Variants in TNR observed in about 807,000 individuals in gnomAD.
TNR encodes the protein tenascin R, also known as tenascin-R.
TNR carries 45 observed loss-of-function variants against 150.4 expected under a neutral mutation model. The observed-to-expected ratio is 0.30, with a 90% CI of 0.24 to 0.38. TNR has a LOEUF of 0.38. TNR is among the 10% of genes least tolerant of loss of function. TNR has a pLI of 1.00. For missense variants in TNR, 1,544 were observed against 1,759.1 expected (o/e 0.88, Z 2.19); for synonymous variants, 687 against 678.4 (o/e 1.01, Z -0.20).
intron 1 of TNR, among the ~76,000 whole-genome samples, chr1:175,582,328 C>T (rs1413989674): frequency 2.0e-5 from 3 of 152,118 alleles, no homozygotes; most frequent in Admixed American, 6.6e-5. Context: ...GCATTGTTTT[C>T]GTTTTAATAT....
At chr1:175,730,051 A>G (rs1381656672) in intron 1 of TNR, among the ~76,000 whole-genome samples, 3 of 152,152 alleles carry the variant, frequency 2.0e-5, no homozygotes, top group Admixed American at 6.5e-5. Flanking sequence ...AATTCTCCCC[A>G]TGAGTATCCT....
At chr1:175,383,867 G>T (rs1421533014) in intron 8 of TNR, among the ~76,000 whole-genome samples, 1 of 152,150 alleles carries the variant, frequency 6.6e-6, no homozygotes, top group Non-Finnish European at 1.5e-5. Context: ...CTCCAGCAGA[G>T]GGGAGCATAT....
At chr1:175,638,152 T>G (rs1372106928) in intron 1 of TNR, among the ~76,000 whole-genome samples, 1 of 152,218 alleles carries the variant, frequency 6.6e-6, no homozygotes, top group African/African-American at 2.4e-5. Flanking sequence ...TAATACCTGA[T>G]GCTGATATGG....
intron 20 of TNR, chr1:175,333,512 C>T (rs1442552160): frequency 6.6e-6 from 1 of 152,090 alleles, no homozygotes; most frequent in Non-Finnish European, 1.5e-5. Flanking sequence ...TGGCATTTAC[C>T]TTACATTTTT....
At chr1:175,642,874 T>C (rs1264717323) in intron 1 of TNR, among the ~76,000 whole-genome samples, 1 of 152,186 alleles carries the variant, frequency 6.6e-6, no homozygotes, top group African/African-American at 2.4e-5. Context: ...GAGGCTGCAG[T>C]GAGCTATGAT....
chr1:175,483,100 A>C (rs1657872489), intron 2 of TNR, among the ~76,000 whole-genome samples: 1 of 152,254 alleles, frequency 6.6e-6, no homozygotes, highest in Non-Finnish European at 1.5e-5. Flanking sequence ...TTGTGTAAGC[A>C]AGGAGCTGTG....
intron 1 of TNR, among the ~76,000 whole-genome samples, chr1:175,711,782 C>T (rs186119062): frequency 1.0e-3 from 159 of 152,184 alleles, no homozygotes; most frequent in Non-Finnish European, 1.9e-3. Context: ...TGAGAGCAGT[C>T]GAGGTTTTTG....
At chr1:175,607,645 G>T (rs1368671635) in intron 1 of TNR, among the ~76,000 whole-genome samples, 1 of 152,196 alleles carries the variant, frequency 6.6e-6, no homozygotes, top group East Asian at 1.9e-4. Flanking sequence ...ACAGTGGTCA[G>T]GACTCAGTAA....
intron 9 of TNR, 33 bp downstream of exon 9, chr1:175,379,519 C>G (rs753651331): frequency 3.5e-5 from 55 of 1,591,368 alleles, no homozygotes; most frequent in Non-Finnish European, 4.5e-5. Flanking sequence ...GACTCAGCAA[C>G]CAGCATAACC....
chr1:175,722,755 C>CTGTGCCTGGCCTATTTT (rs1667343314), intron 1 of TNR, among the ~76,000 whole-genome samples: 1 of 150,696 alleles, frequency 6.6e-6, no homozygotes, highest in Non-Finnish European at 1.5e-5. Context: ...GCATGAGCCA[C>CTGTGCCTGGCCTATTTT]TGTGCCTGGC....
intron 6 of TNR, among the ~76,000 whole-genome samples, chr1:175,392,263 C>T (rs1398226893): frequency 6.6e-6 from 1 of 152,106 alleles, no homozygotes; most frequent in African/African-American, 2.4e-5. Context: ...GACAAGAGGG[C>T]CTCTTTTGGA....
intron 1 of TNR, among the ~76,000 whole-genome samples, chr1:175,723,089 C>G (rs150420401): frequency 0.012 from 1,770 of 152,206 alleles, 38 homozygotes; most frequent in African/African-American, 0.037. Flanking sequence ...TGTGCCCAGC[C>G]TCTAATATAT....
rs184149387 is a variant in TNR, at chr1:175,599,584, G to A, written c.-164-71215C>T. On this transcript the variant is annotated intron_variant, in intron 1 of 22. Coordinates refer to ENST00000367674, the MANE Select transcript of TNR (RefSeq NM_003285.3). This position sits in a 1 kb window ranked among gnomAD's most constrained non-coding sequence, Gnocchi z 4.7. ...AGTGTCCCGCATCAGCGGTAATGGG[G>A]CCGGCCCACCCGGAGGCAGCCCGGA... Among the ~76,000 whole-genome samples the A allele has an allele frequency of 1.3e-5, 2 of 152,324 alleles. No individual in the cohort carries two copies. Among genetic ancestry groups the A allele is most frequent in the Admixed American group, 1.3e-4 (2 of 15,312 alleles).
chr1:175,697,258 A>T (rs1666558372), intron 1 of TNR, among the ~76,000 whole-genome samples: 1 of 152,110 alleles, frequency 6.6e-6, no homozygotes, highest in Admixed American at 6.5e-5. Context: ...GGCTGCAGTG[A>T]AAGAGGCTGG....
chr1:175,607,495 C>A (rs1663447273), intron 1 of TNR, among the ~76,000 whole-genome samples: 1 of 152,234 alleles, frequency 6.6e-6, no homozygotes, highest in Non-Finnish European at 1.5e-5. Flanking sequence ...CACAGTCCTC[C>A]TCTAAGGCAG....
At chr1:175,613,412 T>C (rs1190434324) in intron 1 of TNR, among the ~76,000 whole-genome samples, 1 of 152,194 alleles carries the variant, frequency 6.6e-6, no homozygotes, top group African/African-American at 2.4e-5. Context: ...CCTTGGGAAC[T>C]GGCAAATCCT....
At chr1:175,351,613 G>T (rs1196018700) in intron 18 of TNR, among the ~76,000 whole-genome samples, 1 of 152,154 alleles carries the variant, frequency 6.6e-6, no homozygotes, top group African/African-American at 2.4e-5. Context: ...CAGGCTTTGT[G>T]CAAGATACTT....
chr1:175,660,911 T>C (rs955467673), intron 1 of TNR, among the ~76,000 whole-genome samples: 1 of 152,070 alleles, frequency 6.6e-6, no homozygotes, highest in Non-Finnish European at 1.5e-5. Flanking sequence ...GCTCCAGCTG[T>C]ACAGGGCCCT....
At chr1:175,436,834 T>A (rs1028636440) in intron 2 of TNR, among the ~76,000 whole-genome samples, 1 of 152,100 alleles carries the variant, frequency 6.6e-6, no homozygotes, top group East Asian at 1.9e-4. Context: ...GAACTTACTA[T>A]CCTAAATATA....
Sources: gnomAD v4.1 joint callset for allele counts (sites outside exome capture counted in the v4.1 genomes callset) on GRCh38, gnomAD v4.1.1 for gene constraint, Gnocchi (gnomAD v3.1) non-coding constraint, MANE v1.5 for transcripts, NCBI Gene and HGNC (gene_info 2026-07-23, HGNC 2026-07-21) for gene names.